Variants in YBX1 observed in about 807,000 individuals in gnomAD.
The protein encoded by YBX1 is Y-box binding protein 1.
A neutral mutation model predicts 41.4 loss-of-function variants in YBX1; 3 were observed. The observed-to-expected ratio is 0.07, with a 90% CI of 0.03 to 0.19. YBX1 has a LOEUF of 0.19. Among genes scored for constraint, YBX1 ranks in the 10% least tolerant of loss-of-function variants. YBX1 has a pLI of 1.00. For missense variants in YBX1, 274 were observed against 462.8 expected, an observed-to-expected ratio of 0.59 and a Z score of 3.74; for synonymous variants, 133 against 165.8, an observed-to-expected ratio of 0.80 and a Z score of 1.52.
intron 2 of YBX1, among the ~76,000 whole-genome samples, chr1:42,690,484 A>G (rs1334572545): frequency 1.3e-5 from 2 of 152,220 alleles, no homozygotes; most frequent in Admixed American, 1.3e-4. Context: ...ACATATATAC[A>G]GGGCACCAGA....
In YBX1 at chr1:42,696,292, AG is replaced by A; in HGVS notation, c.354+6del. On this transcript the variant is annotated splice_donor_5th_base_variant and intron_variant, in intron 4 of 7. Coordinates refer to ENST00000321358, the MANE Select transcript of YBX1 (RefSeq NM_004559.5). This position sits in a 1 kb window ranked among gnomAD's most constrained non-coding sequence, Gnocchi z 5.7. ...TGATGTTGTTGAAGGAGAAAAGGTG[AG>A]GATGCTTTTTGTGTAAAGGTTTGAC... 1 of 1,612,364 alleles carries A rather than the reference AG, an allele frequency of 6.2e-7. No homozygotes were observed. Among genetic ancestry groups the A allele is most frequent in the Non-Finnish European group, 8.5e-7 (1 of 1,179,256 alleles).
Position 42,696,964 on chromosome 1 carries a change from A to G in YBX1, c.657+20A>G, listed in dbSNP as rs1274026488. 9.1e-6 allele frequency: 14 copies of G among 1,541,752 alleles called. No homozygotes were observed. The highest frequency in any genetic ancestry group is 1.2e-5 in the Non-Finnish European group (14 of 1,144,210). ...ATGGAGGTAAGTTTCACCATCAACAACAGCAATGTGATAAGTTCTGGTAGG... is the reference window on the plus strand; with the variant it reads ...ATGGAGGTAAGTTTCACCATCAACAGCAGCAATGTGATAAGTTCTGGTAGG... On this transcript the variant is annotated intron_variant, in intron 5 of 7. Transcript: ENST00000321358. This position sits in a 1 kb window ranked among gnomAD's most constrained non-coding sequence, Gnocchi z 5.7.
Position 42,682,473 on chromosome 1 carries a change from A to G in YBX1, c.-93A>G, listed in dbSNP as rs953909891. 3 of 1,317,136 alleles carry G rather than the reference A, an allele frequency of 2.3e-6. No individual in the cohort carries two copies. Among genetic ancestry groups the G allele is most frequent in the Non-Finnish European group, 2.9e-6 (3 of 1,029,352 alleles). 81.6% of individuals were successfully genotyped at this position (1,317,136 alleles called of 1,614,324 possible). A position where few individuals can be genotyped will look rare whatever the true frequency, so the allele number is the denominator to read the frequency against. ...GGAGAGCGGACCCCAGAGAGCCCTG[A>G]GCAGCCCCACCGCCGCCGCCGGCCT... On this transcript the variant is annotated 5_prime_UTR_variant, in exon 1 of 8. Coordinates refer to ENST00000321358, the MANE Select transcript of YBX1 (RefSeq NM_004559.5).
chr1:42,685,996 T>C (rs1650186989), intron 2 of YBX1, among the ~76,000 whole-genome samples: 1 of 152,210 alleles, frequency 6.6e-6, no homozygotes, highest in Non-Finnish European at 1.5e-5. Flanking sequence ...TCTAAGAAAT[T>C]CATTGAGTTA....
In YBX1 at chr1:42,696,522, C is replaced by CGGGG. The variant is rs1553135733; in HGVS notation, c.355-120_355-119insGGGG. ...GGTCACGCAGTTGCGCCCCCCCCCC[C>CGGGG]TTTTTTTTCCTTAACTTTGTTGTTT... is the stretch of plus-strand genomic sequence containing the variant. On this transcript the variant is annotated intron_variant, in intron 4 of 7. Transcript: ENST00000321358. This position sits in a 1 kb window ranked among gnomAD's most constrained non-coding sequence, Gnocchi z 5.7. 17 of 637,518 alleles carry CGGGG rather than the reference C, an allele frequency of 2.7e-5. No homozygotes were observed. The highest frequency in any genetic ancestry group is 3.8e-5 in the East Asian group (1 of 26,248). The allele number at this position is 637,518 out of a possible 1,614,324, so 39.5% of individuals were successfully genotyped here.
intron 1 of YBX1, chr1:42,683,196 G>A: frequency 1.5e-6 from 1 of 684,002 alleles, no homozygotes; most frequent in South Asian, 1.6e-5. Context: ...CGCGCCCCGG[G>A]CCTGCCCTGG....
chr1:42,690,450 C>CT (rs142759065), intron 2 of YBX1, among the ~76,000 whole-genome samples: 149 of 152,210 alleles, frequency 9.8e-4, no homozygotes, highest in Non-Finnish European at 1.8e-3. Flanking sequence ...GAAGCAAAAT[C>CT]TATTTTGGGG....
At position 42,700,342 on chromosome 1, in the gene YBX1, C is replaced by T. The variant is rs192823146; in HGVS notation, c.741-439C>T. On this transcript the variant is annotated intron_variant, in intron 6 of 7. Transcript: ENST00000321358. Reference sequence around the variant, plus strand: ...ATCTTGGTGATTAAAAGACTCAAGCCTGTAATCCCAGCACTCTTTGGGAGG... The same window carrying T: ...ATCTTGGTGATTAAAAGACTCAAGCTTGTAATCCCAGCACTCTTTGGGAGG... Among the ~76,000 whole-genome samples, 724 of 152,158 alleles carry T rather than the reference C, an allele frequency of 4.8e-3. 3 individuals carry two copies. Among genetic ancestry groups the T allele is most frequent in the Non-Finnish European group, 7.5e-3 (511 of 67,996 alleles).
intron 1 of YBX1, chr1:42,683,108 C>T (rs1310342104): frequency 1.7e-6 from 1 of 576,336 alleles, no homozygotes; most frequent in Admixed American, 2.3e-5. Context: ...CGGCGCACCG[C>T]CTACGCAGGC....
At chr1:42,689,527 C>CA (rs147118972) in intron 2 of YBX1, among the ~76,000 whole-genome samples, 2,100 of 152,024 alleles carry the variant, frequency 0.014, 39 homozygotes, top group African/African-American at 0.043. Flanking sequence ...TGTGGATTGG[C>CA]AAAAAAGTTT....
At chr1:42,691,974 C>G (rs1217257474) in intron 2 of YBX1, among the ~76,000 whole-genome samples, 3 of 152,188 alleles carry the variant, frequency 2.0e-5, no homozygotes, top group African/African-American at 7.2e-5. Context: ...CCTCACCCCC[C>G]AGAGTAGCTG....
In YBX1 at chr1:42,703,552, A is replaced by C. The variant is rs1005104645; in HGVS notation, c.*1603A>C. 1.3e-5 allele frequency among the ~76,000 whole-genome samples: 2 copies of C among 152,158 alleles called. No individual in the cohort carries two copies. Among genetic ancestry groups the C allele is most frequent in the Non-Finnish European group, 2.9e-5 (2 of 68,018 alleles). On this transcript the variant is annotated 3_prime_UTR_variant, in exon 8 of 8. Coordinates refer to ENST00000321358, the MANE Select transcript of YBX1 (RefSeq NM_004559.5). ...GTTAGCCTATTTCTTGCTGGTGTTC[A>C]TGAAAATACTGTGTTGGCAAGAGTG... is the stretch of plus-strand genomic sequence containing the variant.
In YBX1 at chr1:42,697,244, A is replaced by G. The variant is rs1291434331; in HGVS notation, c.722A>G (p.Tyr241Cys). The change falls in exon 6 of 8, where the codon TAT becomes TGT. Residue 241 changes from tyrosine to cysteine, a missense_variant. Transcript: ENST00000321358. ...GTGAGGCAGAATATGTATCGGGGAT[A>G]TAGACCACGATTCCGCAGGTATGGT... is the stretch of plus-strand genomic sequence containing the variant. ...RPVRQNMYRG[Y>C]RPRFRRGPPR... 1 of 1,613,896 alleles carries G rather than the reference A, an allele frequency of 6.2e-7. No homozygotes were observed. Among genetic ancestry groups the G allele is most frequent in the Non-Finnish European group, 8.5e-7 (1 of 1,179,986 alleles).
chr1:42,701,319 A>G (rs758786511), intron 7 of YBX1, among the ~76,000 whole-genome samples: 1 of 152,152 alleles, frequency 6.6e-6, no homozygotes, highest in Non-Finnish European at 1.5e-5. Flanking sequence ...CTTTCTATCA[A>G]CTTTTCTGAA....
At chr1:42,682,860 C>T (rs1472447682) in intron 1 of YBX1, 129 bp downstream of exon 1, 4 of 377,060 alleles carry the variant, frequency 1.1e-5, no homozygotes, top group East Asian at 5.4e-5. Context: ...GCCGCCCATC[C>T]CCCCCGTCCC....
chr1:42,684,488 G>C (rs1026685303), intron 2 of YBX1, among the ~76,000 whole-genome samples: 1 of 152,180 alleles, frequency 6.6e-6, no homozygotes, highest in Non-Finnish European at 1.5e-5. Context: ...AATGTGGAAT[G>C]GACAACAAAT....
At chr1:42,694,930 C>T (rs1570421451) in intron 3 of YBX1, among the ~76,000 whole-genome samples, 1 of 151,912 alleles carries the variant, frequency 6.6e-6, no homozygotes, top group African/African-American at 2.4e-5. Context: ...GGGGTTGGGG[C>T]AGGGGTGGAG....
intron 6 of YBX1, among the ~76,000 whole-genome samples, chr1:42,697,605 A>G (rs1048762489): frequency 3.3e-5 from 5 of 152,256 alleles, no homozygotes; most frequent in African/African-American, 7.2e-5. Flanking sequence ...TGAAGAATCA[A>G]CAGTGTTATC....
intron 2 of YBX1, among the ~76,000 whole-genome samples, chr1:42,692,419 C>T (rs1185288917): frequency 6.6e-6 from 1 of 152,072 alleles, no homozygotes; most frequent in East Asian, 1.9e-4. Flanking sequence ...AGTCACTTGC[C>T]TTAAGTCGCT....
Sources: gnomAD v4.1 joint callset for allele counts (sites outside exome capture counted in the v4.1 genomes callset) on GRCh38, gnomAD v4.1.1 for gene constraint, Gnocchi (gnomAD v3.1) non-coding constraint, MANE v1.5 for transcripts, NCBI Gene and HGNC (gene_info 2026-07-23, HGNC 2026-07-21) for gene names.